Variants in BRDT observed in about 807,000 individuals in gnomAD.
BRDT encodes the protein bromodomain testis-specific protein.
BRDT carries 77 observed loss-of-function variants against 113.9 expected under a neutral mutation model. The observed-to-expected ratio is 0.68, with a 90% CI of 0.56 to 0.82. The LOEUF is 0.82. BRDT is among the 40% of genes least tolerant of loss of function. The pLI, the probability that BRDT is intolerant of heterozygous loss-of-function variation, is 0.00. For synonymous variants in BRDT, 358 were observed against 366.5 expected, an observed-to-expected ratio of 0.98 and a Z score of 0.26; for missense variants, 1,027 against 1,105.4, an observed-to-expected ratio of 0.93 and a Z score of 1.01.
At chr1:91,986,351 A>C (rs1382593622) in intron 12 of BRDT, among the ~76,000 whole-genome samples, 1 of 152,224 alleles carries the variant, frequency 6.6e-6, no homozygotes, top group East Asian at 1.9e-4. Flanking sequence ...CAGCTTATCA[A>C]TAGGAGTACT....
At chr1:91,978,865 G>A (rs1268990559) in intron 7 of BRDT, among the ~76,000 whole-genome samples, 10 of 151,762 alleles carry the variant, frequency 6.6e-5, no homozygotes, top group Admixed American at 6.6e-4. Flanking sequence ...AGCCAGGCAT[G>A]GTGGCGCCTG....
At chr1:91,976,582 G>T in intron 5 of BRDT, 144 bp downstream of exon 5, 2 of 795,956 alleles carry the variant, frequency 2.5e-6, no homozygotes, top group Non-Finnish European at 1.8e-6. Context: ...TACTGTTTCC[G>T]CCTCTCTATG....
In BRDT at chr1:91,955,414, A is replaced by G. The variant is rs546044807; in HGVS notation, c.-38+5732A>G. ...GGTTGCAGTGAGCTGAGATTGCTCC[A>G]TGGCACTCCAGCCTGGGAGACAGAG... On this transcript the variant is annotated intron_variant, in intron 1 of 18. Transcript: ENST00000399546. Among the ~76,000 whole-genome samples, 6 of 152,326 alleles carry G rather than the reference A, an allele frequency of 3.9e-5. No individual in the cohort carries two copies. In the South Asian group the frequency reaches 8.3e-4, roughly 21 times the overall value.
intron 15 of BRDT, among the ~76,000 whole-genome samples, chr1:91,995,403 C>CTGTG (rs200254179): frequency 9.1e-4 from 134 of 146,852 alleles, no homozygotes; most frequent in East Asian, 5.2e-3. Context: ...CCCTACTATT[C>CTGTG]TGTGTGTGTG....
At chr1:92,001,241 T>C (rs1686806775) in intron 15 of BRDT, among the ~76,000 whole-genome samples, 2 of 152,240 alleles carry the variant, frequency 1.3e-5, no homozygotes, top group Admixed American at 1.3e-4. Flanking sequence ...TACCTGAGGA[T>C]AGTTATTACA....
chr1:91,998,987 A>G (rs1035617055), intron 15 of BRDT, among the ~76,000 whole-genome samples: 2 of 152,136 alleles, frequency 1.3e-5, no homozygotes, highest in Non-Finnish European at 2.9e-5. Context: ...GTCAGTGGGG[A>G]GGCAATGAAG....
intron 12 of BRDT, among the ~76,000 whole-genome samples, chr1:91,989,720 T>C (rs746491280): frequency 5.9e-5 from 9 of 152,118 alleles, no homozygotes; most frequent in Admixed American, 1.3e-4. Context: ...TCTCAGTCTG[T>C]CTCCTTCTCT....
chr1:91,979,482 A>G (rs1331269128), intron 7 of BRDT, 87 bp from the exon 8 acceptor site: 1 of 1,276,312 alleles, frequency 7.8e-7, no homozygotes, highest in Non-Finnish European at 1.1e-6. Flanking sequence ...AAAATATGAC[A>G]CTGAAATGTA....
intron 4 of BRDT, among the ~76,000 whole-genome samples, chr1:91,972,741 G>C (rs1209505012): frequency 1.3e-5 from 2 of 152,156 alleles, no homozygotes; most frequent in African/African-American, 4.8e-5. Context: ...TAGCTCCTGA[G>C]TTCAAAGAGC....
In BRDT at chr1:91,954,190, T is replaced by G. The variant is rs1045391878; in HGVS notation, c.-38+4508T>G. ...TTTCACCATGTTGCTCAGGCTGGTCTTAAACTCCTGACTTCAGGTAATCCA... is the reference window on the plus strand; with the variant it reads ...TTTCACCATGTTGCTCAGGCTGGTCGTAAACTCCTGACTTCAGGTAATCCA... On this transcript the variant is annotated intron_variant, in intron 1 of 18. Coordinates refer to ENST00000399546, the MANE Select transcript of BRDT (RefSeq NM_207189.4). Among the ~76,000 whole-genome samples the G allele has an allele frequency of 2.0e-4, 31 of 152,234 alleles. No individual in the cohort carries two copies. In the East Asian group the frequency reaches 4.2e-3, roughly 21 times the overall value.
chr1:92,010,967 ATT>A (rs58890282), intron 18 of BRDT, among the ~76,000 whole-genome samples: 9 of 143,166 alleles, frequency 6.3e-5, no homozygotes, highest in African/African-American at 5.1e-5. Context: ...TGGGTGCTAG[ATT>A]TTTTTTTTTT....
Position 91,990,771 on chromosome 1 carries a change from TAA to T in BRDT, c.2003-411_2003-410del, listed in dbSNP as rs755691917. ...TAAGGATTTCTTGATATGTTTGTAA[TAA>T]AGGGATTTTCTTGAAATCACCCCTG... On this transcript the variant is annotated intron_variant, in intron 12 of 18. Transcript: ENST00000399546. Among the ~76,000 whole-genome samples, 111 of 152,312 alleles carry T rather than the reference TAA, an allele frequency of 7.3e-4. 1 individual carries two copies. The highest frequency in any genetic ancestry group is 1.2e-3 in the Non-Finnish European group (79 of 68,030).
chr1:91,971,492 A>G (rs1253543637), intron 4 of BRDT, among the ~76,000 whole-genome samples: 1 of 152,180 alleles, frequency 6.6e-6, no homozygotes, highest in East Asian at 1.9e-4. Context: ...TTGTCATATG[A>G]TGGTAGCTAG....
chr1:91,996,922 A>G (rs1340148095), intron 15 of BRDT, among the ~76,000 whole-genome samples: 3 of 152,218 alleles, frequency 2.0e-5, no homozygotes, highest in Non-Finnish European at 2.9e-5. Context: ...AATTAACAGT[A>G]TGTAGAAGCT....
chr1:91,964,520 A>G (rs1000791485), intron 2 of BRDT, 107 bp from the exon 3 acceptor site: 9 of 679,068 alleles, frequency 1.3e-5, no homozygotes, highest in Non-Finnish European at 1.7e-5. Flanking sequence ...AAAGATAATC[A>G]GTTGCTCTCT....
intron 1 of BRDT, among the ~76,000 whole-genome samples, chr1:91,953,321 T>G (rs1219433388): frequency 6.6e-6 from 1 of 152,190 alleles, no homozygotes; most frequent in Non-Finnish European, 1.5e-5. Context: ...TTCCTGAGAT[T>G]GAAGTATGCA....
intron 1 of BRDT, among the ~76,000 whole-genome samples, chr1:91,956,350 T>C (rs1285274766): frequency 6.6e-6 from 1 of 150,650 alleles, no homozygotes; most frequent in Non-Finnish European, 1.5e-5. Context: ...TTGTATGTCA[T>C]GGATCTTAAT....
chr1:92,009,485 G>A (rs1055621659), intron 18 of BRDT, among the ~76,000 whole-genome samples: 12 of 150,674 alleles, frequency 8.0e-5, no homozygotes, highest in African/African-American at 2.4e-4. Context: ...TGCCTCCAAC[G>A]TATGGCAATT....
intron 15 of BRDT, among the ~76,000 whole-genome samples, chr1:91,999,849 A>T (rs1470330710): frequency 6.6e-6 from 1 of 152,202 alleles, no homozygotes; most frequent in Non-Finnish European, 1.5e-5. Flanking sequence ...ACAGCCATGT[A>T]AAAACTGAAT....
Sources: allele counts gnomAD v4.1 joint callset (sites outside exome capture counted in the v4.1 genomes callset), GRCh38; gene constraint gnomAD v4.1.1; transcripts MANE v1.5; gene names NCBI Gene and HGNC (gene_info 2026-07-23, HGNC 2026-07-21).